Variants in CLEC6A observed in about 807,000 individuals in gnomAD.
CLEC6A encodes C-type lectin domain family 6 member A.
In CLEC6A, 22 loss-of-function variants were observed where a neutral mutation model predicts 25.7. That is an observed-to-expected ratio of 0.85 (90% CI 0.61 to 1.22). The LOEUF is 1.22. Ranked by LOEUF, CLEC6A falls within the 50% of genes most tolerant of loss-of-function variation. CLEC6A has a pLI of 0.00. For missense variants in CLEC6A, 240 were observed against 236.8 expected (o/e 1.01, Z -0.09); for synonymous variants, 92 against 76.7 (o/e 1.20, Z -1.04).
chr12:8,464,195 A>G (rs1374064998), intron 3 of CLEC6A, among the ~76,000 whole-genome samples: 2 of 152,208 alleles, frequency 1.3e-5, no homozygotes, highest in Non-Finnish European at 2.9e-5. Context: ...TTAATATGTA[A>G]TGATATAGTT....
At position 8,476,242 on chromosome 12, in the gene CLEC6A, T is replaced by A; in HGVS notation, c.485+2T>A. On this transcript the variant is annotated splice_donor_variant, in intron 5 of 5. Transcript: ENST00000382073. LOFTEE classifies it high-confidence loss of function. ...GACACCTTATGAGAAAAATGTCAGG[T>A]GAGTGCAGTTCTGGGGCCTTGTTTA... The A allele has an allele frequency of 6.5e-7, 1 of 1,543,396 alleles. No homozygotes were observed. Among genetic ancestry groups the A allele is most frequent in the Non-Finnish European group, 8.9e-7 (1 of 1,124,054 alleles).
At position 8,460,865 on chromosome 12, in the gene CLEC6A, A is replaced by T. The variant is rs1303941890; in HGVS notation, c.223+1167A>T. 4.5e-6 allele frequency: 4 copies of T among 897,574 alleles called. No homozygotes were observed. In the African/African-American group the frequency reaches 4.9e-5, roughly 11 times the overall value. 55.6% of individuals were successfully genotyped at this position (897,574 alleles called of 1,614,324 possible). On this transcript the variant is annotated intron_variant, in intron 3 of 5. Coordinates refer to ENST00000382073, the MANE Select transcript of CLEC6A (RefSeq NM_001007033.2). The stretch of plus-strand genomic sequence containing the variant: ...GTTCCTAAGGGTACAACTTACCGCA[A>T]GCCTGTCTATCACGGTGTTAACCAG...
At chr12:8,475,245 C>A (rs918502625) in intron 4 of CLEC6A, among the ~76,000 whole-genome samples, 2 of 151,820 alleles carry the variant, frequency 1.3e-5, no homozygotes, top group Non-Finnish European at 2.9e-5. Flanking sequence ...TTTAAGAACC[C>A]CAATGCAATT....
At chr12:8,473,680 C>G (rs367719413) in intron 4 of CLEC6A, among the ~76,000 whole-genome samples, 1 of 152,058 alleles carries the variant, frequency 6.6e-6, no homozygotes, top group African/African-American at 2.4e-5. Context: ...TGAACTAATT[C>G]GCATTCCCAC....
chr12:8,467,689 T>C (rs932715589), intron 4 of CLEC6A, among the ~76,000 whole-genome samples: 1 of 152,250 alleles, frequency 6.6e-6, no homozygotes, highest in African/African-American at 2.4e-5. Flanking sequence ...ATATTCCATA[T>C]GAACTTTAGA....
At chr12:8,456,438 T>G (rs1419881951) in intron 1 of CLEC6A, among the ~76,000 whole-genome samples, 1 of 152,218 alleles carries the variant, frequency 6.6e-6, no homozygotes, top group Non-Finnish European at 1.5e-5. Context: ...ATTGGATGTC[T>G]GCTCTTCAAA....
At chr12:8,466,984 T>C (rs1225708418) in intron 4 of CLEC6A, among the ~76,000 whole-genome samples, 1 of 152,230 alleles carries the variant, frequency 6.6e-6, no homozygotes, top group Non-Finnish European at 1.5e-5. Context: ...TGACAATGTG[T>C]ATATCTTCTT....
chr12:8,460,477 C>T, intron 3 of CLEC6A: 1 of 593,608 alleles, frequency 1.7e-6, no homozygotes, highest in Non-Finnish European at 3.0e-6. Flanking sequence ...CCCACAGGGT[C>T]CCTCTCACAG....
chr12:8,458,044 C>A, intron 2 of CLEC6A, 57 bp downstream of exon 2: 2 of 1,240,100 alleles, frequency 1.6e-6, no homozygotes, highest in Non-Finnish European at 2.4e-6. Flanking sequence ...ATATTCCATA[C>A]AGGTTTCCTA....
intron 3 of CLEC6A, 97 bp from the exon 4 acceptor site, chr12:8,465,387 T>A: frequency 2.5e-6 from 3 of 1,196,574 alleles, no homozygotes; most frequent in Non-Finnish European, 3.5e-6. Context: ...AGTAAAAACG[T>A]GAATTAAGAA....
intron 1 of CLEC6A, among the ~76,000 whole-genome samples, chr12:8,456,615 A>T (rs61035846): frequency 0.74 from 110,426 of 149,718 alleles, 40,711 homozygotes; most frequent in East Asian, 0.99. Context: ...ATAATGTTTT[A>T]AAAAAATTTT....
At chr12:8,464,097 A>G (rs1939797980) in intron 3 of CLEC6A, among the ~76,000 whole-genome samples, 1 of 152,232 alleles carries the variant, frequency 6.6e-6, no homozygotes, top group Admixed American at 6.5e-5. Flanking sequence ...AAAGCAGCCA[A>G]TATGCAAATA....
chr12:8,476,093 A>C, intron 4 of CLEC6A, 32 bp from the exon 5 acceptor site: 1 of 1,396,776 alleles, frequency 7.2e-7, no homozygotes, highest in Non-Finnish European at 1.0e-6. Flanking sequence ...GAAATACCAA[A>C]GTCTTTGACT....
chr12:8,462,477 G>T (rs1939771166), intron 3 of CLEC6A, among the ~76,000 whole-genome samples: 1 of 143,076 alleles, frequency 7.0e-6, no homozygotes, highest in African/African-American at 2.6e-5. Context: ...AAACCCGATT[G>T]TATGTTCCAT....
rs777184363 is a variant in CLEC6A at position 8,470,677 on chromosome 12, C to T, written c.369+5048C>T. Among the ~76,000 whole-genome samples the T allele has an allele frequency of 2.0e-5, 3 of 152,158 alleles. No individual in the cohort carries two copies. The East Asian group carries it at 5.8e-4, about 29-fold the overall frequency. On this transcript the variant is annotated intron_variant, in intron 4 of 5. Coordinates refer to ENST00000382073, the MANE Select transcript of CLEC6A (RefSeq NM_001007033.2). The stretch of plus-strand genomic sequence containing the variant: ...AAACCAAACATCGTATATTCTCACT[C>T]ATAAGTGGGAGCTAAGCTATGAGGA...
At chr12:8,468,674 TA>T (rs1422316657) in intron 4 of CLEC6A, among the ~76,000 whole-genome samples, 2 of 152,090 alleles carry the variant, frequency 1.3e-5, no homozygotes, top group African/African-American at 4.8e-5. Flanking sequence ...TAAACAGAAT[TA>T]AAAACAAAAA....
Position 8,459,686 on chromosome 12 carries a change from A to G in CLEC6A, c.211A>G (p.Thr71Ala). ...AAGTCTCACCTGCTTCAGTGAAGGGACAAAGGTGCCAGGTAAATCTTTAAA... is the reference window on the plus strand; with the variant it reads ...AAGTCTCACCTGCTTCAGTGAAGGGGCAAAGGTGCCAGGTAAATCTTTAAA... ...HSSLTCFSEGTKVPAWGCCPA... is the reference protein window; with the variant it reads ...HSSLTCFSEGAKVPAWGCCPA... The change falls in exon 3 of 6, where the codon ACA becomes GCA. Residue 71 changes from threonine to alanine, a missense_variant. Thr to Ala is a moderately conservative substitution (Grantham distance 58). Coordinates refer to ENST00000382073, the MANE Select transcript of CLEC6A (RefSeq NM_001007033.2). 2 of 1,608,632 alleles carry G rather than the reference A, an allele frequency of 1.2e-6. No homozygotes were observed. Among genetic ancestry groups the G allele is most frequent in the Non-Finnish European group, 1.7e-6 (2 of 1,174,950 alleles).
At chr12:8,474,113 T>G (rs925682899) in intron 4 of CLEC6A, among the ~76,000 whole-genome samples, 2 of 152,182 alleles carry the variant, frequency 1.3e-5, no homozygotes, top group Non-Finnish European at 2.9e-5. Flanking sequence ...TCATTGCAAA[T>G]GCTTTTGAGG....
intron 4 of CLEC6A, among the ~76,000 whole-genome samples, chr12:8,474,558 C>A (rs1356551841): frequency 6.6e-6 from 1 of 152,002 alleles, no homozygotes; most frequent in Non-Finnish European, 1.5e-5. Context: ...CAAATTAATA[C>A]CAGGAAAACT....
Sources: gnomAD v4.1 joint callset for allele counts (sites outside exome capture counted in the v4.1 genomes callset) on GRCh38, gnomAD v4.1.1 for gene constraint, MANE v1.5 for transcripts, NCBI Gene and HGNC (gene_info 2026-07-23, HGNC 2026-07-21) for gene names.